The following LHFPL4 variants were observed in gnomAD, a reference collection of about 807,000 sequenced individuals.
LHFPL4 encodes LHFPL tetraspan subfamily member 4, also known as LHFPL tetraspan subfamily member 4 protein.
In LHFPL4, 6 loss-of-function variants were observed where a neutral mutation model predicts 20.0. The ratio of observed to expected loss-of-function variants is 0.30; its 90% CI spans 0.16 to 0.59. The LOEUF (loss-of-function observed/expected upper bound fraction) is 0.59, where lower values mean the gene tolerates loss of function less well. Among genes scored for constraint, LHFPL4 ranks in the 20% least tolerant of loss-of-function variants. The probability of loss-of-function intolerance (pLI) is 0.88; values close to 1 mark genes in which losing one functional copy is unlikely to be tolerated. For synonymous variants in LHFPL4, 129 were observed against 143.8 expected (o/e 0.90, Z 0.74); for missense variants, 215 against 331.2 (o/e 0.65, Z 2.72).
At chr3:9,520,494 C>T (rs1244157712) in intron 2 of LHFPL4, among the ~76,000 whole-genome samples, 1 of 152,024 alleles carries the variant, frequency 6.6e-6, no homozygotes, top group Non-Finnish European at 1.5e-5. Context: ...GCTGGGATTA[C>T]AGGCACGTGC....
At chr3:9,505,670 C>T (rs577465120) in intron 3 of LHFPL4, among the ~76,000 whole-genome samples, 6 of 152,246 alleles carry the variant, frequency 3.9e-5, no homozygotes, top group Admixed American at 1.3e-4. Context: ...AGGATCCACC[C>T]GCCTCGGCCT....
intron 2 of LHFPL4, among the ~76,000 whole-genome samples, chr3:9,530,376 T>G (rs1476881566): frequency 6.6e-6 from 1 of 152,242 alleles, no homozygotes; most frequent in African/African-American, 2.4e-5. Context: ...TTTTATGCTA[T>G]GGAAATGGCT....
At chr3:9,550,011 C>T (rs1417280641) in intron 2 of LHFPL4, among the ~76,000 whole-genome samples, 2 of 152,146 alleles carry the variant, frequency 1.3e-5, no homozygotes, top group Non-Finnish European at 2.9e-5. Flanking sequence ...GGATTATAGG[C>T]ATGAGCCACC....
chr3:9,543,044 C>T (rs1052909966), intron 2 of LHFPL4, among the ~76,000 whole-genome samples: 2 of 152,062 alleles, frequency 1.3e-5, no homozygotes, highest in East Asian at 1.9e-4. Flanking sequence ...GTATTAAAAA[C>T]CATGTAATAG....
intron 2 of LHFPL4, among the ~76,000 whole-genome samples, chr3:9,521,602 G>T (rs1262943993): frequency 6.6e-6 from 1 of 151,000 alleles, no homozygotes; most frequent in Admixed American, 6.6e-5. Context: ...ACAGGGTTTC[G>T]CCATGTTAGC....
chr3:9,539,127 A>G (rs568291587), intron 2 of LHFPL4, among the ~76,000 whole-genome samples: 2 of 152,274 alleles, frequency 1.3e-5, no homozygotes, highest in African/African-American at 4.8e-5. Flanking sequence ...TATGCCAGGT[A>G]CAGATTCCTG....
intron 2 of LHFPL4, among the ~76,000 whole-genome samples, chr3:9,521,675 T>A (rs1044016644): frequency 1.3e-5 from 2 of 151,546 alleles, no homozygotes; most frequent in Non-Finnish European, 2.9e-5. Flanking sequence ...AGTGCTGGGA[T>A]TACAGGCATG....
intron 2 of LHFPL4, among the ~76,000 whole-genome samples, chr3:9,521,707 C>CCT (rs571469329): frequency 2.7e-5 from 4 of 149,390 alleles, no homozygotes; most frequent in Non-Finnish European, 5.9e-5. Context: ...CCAGCCTCCA[C>CCT]TTTTTTTTTT....
In LHFPL4 at chr3:9,530,604, T is replaced by C. The variant is rs564663508; in HGVS notation, c.406+21670A>G. Among the ~76,000 whole-genome samples the C allele has an allele frequency of 3.3e-5, 5 of 152,324 alleles. No homozygotes were observed. In the South Asian group the frequency reaches 1.0e-3, roughly 32 times the overall value. Reference sequence around the variant, plus strand: ...AGGCTGTTTTCTTTCTCATCATTCATGTGCTCACCGGAGCAGCACTTTATT... The same window carrying C: ...AGGCTGTTTTCTTTCTCATCATTCACGTGCTCACCGGAGCAGCACTTTATT... On this transcript the variant is annotated intron_variant, in intron 2 of 3. Coordinates refer to ENST00000287585, the MANE Select transcript of LHFPL4 (RefSeq NM_198560.3).
At chr3:9,553,310 G>T (rs1038855766) in intron 1 of LHFPL4, among the ~76,000 whole-genome samples, 1 of 150,680 alleles carries the variant, frequency 6.6e-6, no homozygotes, top group Admixed American at 6.6e-5. Context: ...GGGAATGGGG[G>T]CTGGTATGAG....
At chr3:9,527,685 C>T (rs549191971) in intron 2 of LHFPL4, among the ~76,000 whole-genome samples, 1 of 152,140 alleles carries the variant, frequency 6.6e-6, no homozygotes, top group Admixed American at 6.6e-5. Flanking sequence ...GCAGCCTGGG[C>T]AACAGAGCCA....
At chr3:9,505,826 T>G in intron 3 of LHFPL4, 141 bp downstream of exon 3, 1 of 793,298 alleles carries the variant, frequency 1.3e-6, no homozygotes, top group Non-Finnish European at 2.1e-6. Context: ...CCCAAAGTGC[T>G]GGGATTATAG....
At chr3:9,541,764 T>C (rs545856210) in intron 2 of LHFPL4, among the ~76,000 whole-genome samples, 1 of 151,878 alleles carries the variant, frequency 6.6e-6, no homozygotes, top group Non-Finnish European at 1.5e-5. Flanking sequence ...AGAGCAAAAT[T>C]TCGCCTCAAA....
intron 2 of LHFPL4, among the ~76,000 whole-genome samples, chr3:9,532,457 C>T (rs545017920): frequency 1.4e-4 from 22 of 152,298 alleles, no homozygotes; most frequent in Middle Eastern, 3.4e-3. Context: ...CCTCCTGCCT[C>T]AGCCTCCCCA....
Position 9,500,912 on chromosome 3 carries a change from G to A in LHFPL4, c.*1299C>T, listed in dbSNP as rs959169636. ...GGGAGACGCCCCCACAGTGGGTGGA[G>A]GGGGGAGAAACTTCTCACCTGTCCC... On this transcript the variant is annotated 3_prime_UTR_variant, in exon 4 of 4. Transcript: ENST00000287585. The A allele has an allele frequency of 6.6e-6, 1 of 152,570 alleles. No homozygotes were observed. The allele number at this position is 152,570 out of a possible 1,614,324, so 9.5% of individuals were successfully genotyped here. A position where few individuals can be genotyped will look rare whatever the true frequency, so the allele number is the denominator to read the frequency against.
rs1553647656 is a variant in LHFPL4 at position 9,523,990 on chromosome 3, C to CCG, written c.407-17788_407-17787insCG. ...CAATTCTAGGCTAGTATTTCCCCCC[C>CCG]CCCCAACACTTTAAATATTTCACTC... is the stretch of plus-strand genomic sequence containing the variant. On this transcript the variant is annotated intron_variant, in intron 2 of 3. Transcript: ENST00000287585. 6.5e-5 allele frequency among the ~76,000 whole-genome samples: 9 copies of CCG among 137,672 alleles called. 1 individual carries two copies. The highest frequency in any genetic ancestry group is 2.3e-4 in the African/African-American group (8 of 34,112). 90.3% of individuals were successfully genotyped at this position (137,672 alleles called of 152,430 possible).
At chr3:9,503,850 A>G (rs893136073) in intron 3 of LHFPL4, among the ~76,000 whole-genome samples, 4 of 152,042 alleles carry the variant, frequency 2.6e-5, no homozygotes, top group African/African-American at 9.7e-5. Flanking sequence ...ACATGGGGAA[A>G]CCTCGTCTCT....
intron 2 of LHFPL4, among the ~76,000 whole-genome samples, chr3:9,528,752 A>AT (rs1338474503): frequency 3.3e-5 from 5 of 151,562 alleles, no homozygotes; most frequent in African/African-American, 1.2e-4. Flanking sequence ...AGTAGCTGGG[A>AT]TTACAGGCGT....
chr3:9,504,433 C>G (rs573032699), intron 3 of LHFPL4, among the ~76,000 whole-genome samples: 1 of 151,734 alleles, frequency 6.6e-6, no homozygotes, highest in Admixed American at 6.6e-5. Flanking sequence ...TATACCTCCA[C>G]GCTCCAGCTC....
Sources: allele counts gnomAD v4.1 joint callset (sites outside exome capture counted in the v4.1 genomes callset), GRCh38; gene constraint gnomAD v4.1.1; transcripts MANE v1.5; gene names NCBI Gene and HGNC (gene_info 2026-07-23, HGNC 2026-07-21).